ANKRD11: variants seen among roughly 807,000 people sequenced by gnomAD.
The protein encoded by ANKRD11 is ankyrin repeat domain 11.
In ANKRD11, 17 loss-of-function variants were observed where a neutral mutation model predicts 195.7. The ratio of observed to expected loss-of-function variants is 0.09; its 90% CI spans 0.06 to 0.13. ANKRD11 has a LOEUF of 0.13. ANKRD11 is among the 10% of genes least tolerant of loss of function. The probability of loss-of-function intolerance (pLI) is 1.00; values close to 1 mark genes in which losing one functional copy is unlikely to be tolerated. For synonymous variants in ANKRD11, 1,953 were observed against 1,528.1 expected (o/e 1.28, Z -6.49); for missense variants, 3,735 against 3,566.1 (o/e 1.05, Z -1.21).
At chr16:89,300,792 G>A (rs755708714) in intron 4 of ANKRD11, 1 of 689,044 alleles carries the variant, frequency 1.5e-6, no homozygotes, top group South Asian at 1.5e-5. Context: ...CACACCCCAG[G>A]CACCAGAGAC....
intron 2 of ANKRD11, among the ~76,000 whole-genome samples, chr16:89,389,788 G>T (rs541871812): frequency 6.9e-6 from 1 of 145,806 alleles, no homozygotes; most frequent in Non-Finnish European, 1.5e-5. Flanking sequence ...GGCAAACACC[G>T]AGTGTGGCGG....
intron 1 of ANKRD11, among the ~76,000 whole-genome samples, chr16:89,489,688 TGGCAGCCCCTCCC>T (rs1170140263): frequency 6.7e-6 from 1 of 150,310 alleles, no homozygotes; most frequent in Non-Finnish European, 1.5e-5. Context: ...CAGCGCCCCC[TGGCAGCCCCTCCC>T]GGCAGCCTCA....
rs559057542 is a variant in ANKRD11 at position 89,415,548 on chromosome 16, G to T, written c.-60+2736C>A. On this transcript the variant is annotated intron_variant, in intron 2 of 12. Coordinates refer to ENST00000301030, the MANE Select transcript of ANKRD11 (RefSeq NM_013275.6). Reference sequence around the variant, plus strand: ...CAAAGTGCTGGGATTACAGGTGTGAGCCACTGCGCCCGGCAAGCTATTCTT... The same window carrying T: ...CAAAGTGCTGGGATTACAGGTGTGATCCACTGCGCCCGGCAAGCTATTCTT... Among the ~76,000 whole-genome samples, 10 of 151,982 alleles carry T rather than the reference G, an allele frequency of 6.6e-5. No homozygotes were observed. The East Asian group carries it at 1.9e-3, about 30-fold the overall frequency.
intron 1 of ANKRD11, among the ~76,000 whole-genome samples, chr16:89,432,786 A>T (rs534919470): frequency 6.6e-6 from 1 of 152,110 alleles, no homozygotes; most frequent in African/African-American, 2.4e-5. Flanking sequence ...CCCTATAAAA[A>T]ATTAAAAAAT....
intron 1 of ANKRD11, among the ~76,000 whole-genome samples, chr16:89,477,809 T>TA (rs1180575845): frequency 6.6e-6 from 1 of 151,908 alleles, no homozygotes; most frequent in Non-Finnish European, 1.5e-5. Context: ...CCAACTCTAC[T>TA]AAAAATTCAA....
In ANKRD11 at chr16:89,283,973, T is replaced by C. The variant is rs1463224630; in HGVS notation, c.2569A>G (p.Ser857Gly). ...DSSFDFKGED[S>G]WDSPVTDYRD... ...TAGTCTGTCACTGGCGAGTCCCAGC[T>C]GTCCTCCCCTTTGAAATCAAAGGAT... Residue 857 changes from serine (S) to glycine (G), a missense_variant, in exon 9 of 13, where the codon AGC becomes GGC. Transcript: ENST00000301030. This position sits in a 1 kb window ranked among gnomAD's most constrained non-coding sequence, Gnocchi z 4.3. 1 of 1,614,050 alleles carries C rather than the reference T, an allele frequency of 6.2e-7. No individual in the cohort carries two copies. Among genetic ancestry groups the C allele is most frequent in the African/African-American group, 1.3e-5 (1 of 74,922 alleles).
intron 2 of ANKRD11, among the ~76,000 whole-genome samples, chr16:89,341,996 G>GCTT (rs1567674122): frequency 1.6e-4 from 7 of 43,354 alleles, no homozygotes; most frequent in Admixed American, 5.8e-4. Context: ...CACCCACAGC[G>GCTT]GCCACAGCCC....
intron 1 of ANKRD11, among the ~76,000 whole-genome samples, chr16:89,469,289 T>C (rs1379782644): frequency 6.6e-6 from 1 of 152,106 alleles, no homozygotes; most frequent in East Asian, 1.9e-4. Flanking sequence ...TAGCGCAATC[T>C]TGGCTCACTG....
At chr16:89,347,373 G>C (rs561004791) in intron 2 of ANKRD11, among the ~76,000 whole-genome samples, 89 of 152,264 alleles carry the variant, frequency 5.8e-4, no homozygotes, top group African/African-American at 2.1e-3. Context: ...ACTTTGAGAG[G>C]CCAAGATAGG....
intron 6 of ANKRD11, 139 bp from the exon 7 acceptor site, chr16:89,288,809 A>T (rs2034831226): frequency 4.2e-6 from 5 of 1,193,078 alleles, no homozygotes; most frequent in Non-Finnish European, 6.1e-6. Context: ...GCTGCAGTTT[A>T]GGGAAGCAGG....
At chr16:89,483,553 G>A (rs185128351) in intron 1 of ANKRD11, among the ~76,000 whole-genome samples, 9 of 152,360 alleles carry the variant, frequency 5.9e-5, no homozygotes, top group Admixed American at 4.6e-4. Flanking sequence ...TTTAGGCCGG[G>A]CATGGTGGCT....
chr16:89,280,047 C>T lies in ANKRD11; in HGVS notation c.6495G>A (p.Glu2165=), dbSNP rs759281274. ...PVEESLAPPE[E]MPPGAPGVIN... is the part of the protein sequence containing the mutation. Reference sequence around the variant, plus strand: ...TGACCCCGGGGGCCCCTGGAGGCATCTCTTCTGGAGGAGCAAGACTTTCTT... The same window carrying T: ...TGACCCCGGGGGCCCCTGGAGGCATTTCTTCTGGAGGAGCAAGACTTTCTT... Residue 2165 remains glutamate (E), a synonymous_variant, in exon 9 of 13, where the codon GAG becomes GAA. Transcript: ENST00000301030. 6.2e-7 allele frequency: 1 copy of T among 1,612,950 alleles called. No individual in the cohort carries two copies. The highest frequency in any genetic ancestry group is 1.3e-5 in the African/African-American group (1 of 75,054).
At chr16:89,355,625 A>G (rs1298818948) in intron 2 of ANKRD11, among the ~76,000 whole-genome samples, 1 of 152,194 alleles carries the variant, frequency 6.6e-6, no homozygotes, top group Non-Finnish European at 1.5e-5. Context: ...CAGTATCGCC[A>G]GGATCAAAAG....
chr16:89,282,125 T>C lies in ANKRD11; in HGVS notation c.4417A>G (p.Lys1473Glu), dbSNP rs1244497015. 6.2e-7 allele frequency: 1 copy of C among 1,614,082 alleles called. No individual in the cohort carries two copies. Residue 1473 changes from lysine to glutamate, a missense_variant, in exon 9 of 13, where the codon AAG (lysine) becomes GAG (glutamate). Transcript: ENST00000301030. Reference sequence around the variant, plus strand: ...GCATGCCTGTCCCGGTGCCTCTCCTTCTCGTCTCTCCATTTCTCCCTGTGT... The same window carrying C: ...GCATGCCTGTCCCGGTGCCTCTCCTCCTCGTCTCTCCATTTCTCCCTGTGT... The part of the protein sequence containing the change: ...EKHREKWRDE[K>E]ERHRDRHADG...
Position 89,424,789 on chromosome 16 carries a change from T to C in ANKRD11, c.-144-6421A>G, listed in dbSNP as rs543091587. 2.2e-3 allele frequency among the ~76,000 whole-genome samples: 334 copies of C among 152,266 alleles called. 1 individual carries two copies. Among genetic ancestry groups the C allele is most frequent in the Middle Eastern group, 3.4e-3 (1 of 294 alleles). On this transcript the variant is annotated intron_variant, in intron 1 of 12. Transcript: ENST00000301030. The stretch of plus-strand genomic sequence containing the variant: ...CTAGAAAAGGGCAAAGGGCCGATCC[T>C]TGCGATTATGGAACTATTCAGCACC...
In ANKRD11 at chr16:89,428,307, G is replaced by T. The variant is rs186519163; in HGVS notation, c.-144-9939C>A. Reference sequence around the variant, plus strand: ...TTGGGAGGCCAAGGCGGGCAGATCAGAAGGTCAGGAGATCGAGACCATCCT... The same window carrying T: ...TTGGGAGGCCAAGGCGGGCAGATCATAAGGTCAGGAGATCGAGACCATCCT... On this transcript the variant is annotated intron_variant, in intron 1 of 12. Transcript: ENST00000301030. Among the ~76,000 whole-genome samples, 666 of 151,516 alleles carry T rather than the reference G, an allele frequency of 4.4e-3. 8 individuals are homozygous for T. Among genetic ancestry groups the T allele is most frequent in the Non-Finnish European group, 7.2e-3 (490 of 67,872 alleles).
rs2033540099 is a variant in ANKRD11 at position 89,275,161 on chromosome 16, G to A, written c.7501C>T (p.Leu2501=). The change falls in exon 10 of 13, where the codon CTG becomes TTG. Residue 2501 remains leucine (L), a synonymous_variant. Transcript: ENST00000301030. ...TCCTGCTGCCTGAACAGCTCCTTCA[G>A]GGGCTCCGCCAGGGAGGGAGGGGGT... ...IAPPPSLAEP[L]KELFRQQEAV... is the part of the protein sequence containing the mutation. 2 of 1,610,682 alleles carry A rather than the reference G, an allele frequency of 1.2e-6. No homozygotes were observed. Among genetic ancestry groups the A allele is most frequent in the East Asian group, 2.2e-5 (1 of 44,798 alleles).
chr16:89,270,014 G>C (rs1396533032), intron 12 of ANKRD11: 2 of 152,504 alleles, frequency 1.3e-5, no homozygotes, highest in Non-Finnish European at 2.9e-5. Context: ...TAGTGGCCTG[G>C]GGAGGGTGTG....
intron 4 of ANKRD11, chr16:89,301,098 T>C (rs1180866652): frequency 5.7e-6 from 3 of 529,754 alleles, no homozygotes; most frequent in African/African-American, 3.9e-5. Context: ...GGTTGACTGA[T>C]TATTTATTTA....
Sources: allele counts gnomAD v4.1 joint callset (sites outside exome capture counted in the v4.1 genomes callset), GRCh38; gene constraint gnomAD v4.1.1; non-coding constraint Gnocchi (gnomAD v3.1); transcripts MANE v1.5; gene names NCBI Gene and HGNC (gene_info 2026-07-23, HGNC 2026-07-21).